Variants in XRN1 observed in about 807,000 individuals in gnomAD.
XRN1 encodes 5'-3' exoribonuclease 1.
In XRN1, 67 loss-of-function variants were observed where a neutral mutation model predicts 222.3. That is an observed-to-expected ratio of 0.30 (90% CI 0.25 to 0.37). The LOEUF is 0.37. Ranked by LOEUF, XRN1 falls within the 10% of genes least tolerant of loss-of-function variation. The pLI is 1.00. For missense variants in XRN1, 1,707 were observed against 2,000.2 expected, an observed-to-expected ratio of 0.85 and a Z score of 2.80; for synonymous variants, 643 against 652.4, an observed-to-expected ratio of 0.99 and a Z score of 0.22.
At position 142,320,204 on chromosome 3, in the gene XRN1, A is replaced by G. The variant is rs180798004; in HGVS notation, c.4405-1301T>C. ...ATATTCCAACCAACAGTGTATAAAC[A>G]CTCCCTTTTTGCTACATCCTTGCCA... On this transcript the variant is annotated intron_variant, in intron 37 of 40. Coordinates refer to ENST00000392981, the MANE Select transcript of XRN1 (RefSeq NM_001282857.2). 8.6e-4 allele frequency among the ~76,000 whole-genome samples: 130 copies of G among 152,002 alleles called. 2 individuals are homozygous for G. The highest frequency in any genetic ancestry group is 2.9e-3 in the African/African-American group (119 of 41,462).
intron 32 of XRN1, among the ~76,000 whole-genome samples, chr3:142,355,157 C>T (rs988105470): frequency 3.3e-5 from 5 of 151,704 alleles, no homozygotes; most frequent in African/African-American, 9.7e-5. Flanking sequence ...GTGACAGGAT[C>T]ATTTGTACCC....
chr3:142,356,799 C>A, intron 31 of XRN1, 113 bp downstream of exon 31: 1 of 1,210,240 alleles, frequency 8.3e-7, no homozygotes, highest in Non-Finnish European at 1.1e-6. Context: ...TGAGCCAAAA[C>A]TTTTTAAATA....
chr3:142,353,280 T>C (rs1280591812), intron 32 of XRN1, among the ~76,000 whole-genome samples: 1 of 152,218 alleles, frequency 6.6e-6, no homozygotes, highest in Non-Finnish European at 1.5e-5. Context: ...TCTCGACTCA[T>C]TGGTCCAGAA....
intron 20 of XRN1, among the ~76,000 whole-genome samples, chr3:142,392,553 C>T (rs1398654954): frequency 6.6e-6 from 1 of 152,092 alleles, no homozygotes; most frequent in Middle Eastern, 3.4e-3. Flanking sequence ...CAGTTCCCAC[C>T]TATGAGTGAG....
intron 22 of XRN1, among the ~76,000 whole-genome samples, chr3:142,381,501 TTAATC>T (rs1200282561): frequency 6.6e-6 from 1 of 152,054 alleles, no homozygotes; most frequent in African/African-American, 2.4e-5. Context: ...TTAGCATCCT[TTAATC>T]TAAAATGTAT....
intron 29 of XRN1, among the ~76,000 whole-genome samples, chr3:142,363,132 GTTA>G (rs1254038599): frequency 2.0e-5 from 3 of 151,884 alleles, no homozygotes; most frequent in Non-Finnish European, 4.4e-5. Context: ...CGAATTCTAG[GTTA>G]TTAAGATTTT....
chr3:142,363,344 A>T (rs2066710385), intron 29 of XRN1, among the ~76,000 whole-genome samples: 1 of 151,462 alleles, frequency 6.6e-6, no homozygotes, highest in South Asian at 2.1e-4. Flanking sequence ...ATTAAATTAC[A>T]TTTTTTTTCT....
At chr3:142,356,157 A>T (rs1254348015) in intron 31 of XRN1, among the ~76,000 whole-genome samples, 1 of 152,182 alleles carries the variant, frequency 6.6e-6, no homozygotes, top group Non-Finnish European at 1.5e-5. Context: ...TCTCTCACTC[A>T]AATTGACACC....
intron 23 of XRN1, among the ~76,000 whole-genome samples, chr3:142,379,112 A>C (rs2067226203): frequency 6.6e-6 from 1 of 151,966 alleles, no homozygotes; most frequent in African/African-American, 2.4e-5. Flanking sequence ...AAAAAAAAAA[A>C]ATACAAAATT....
In XRN1 at chr3:142,414,731, G is replaced by A. The variant is rs541403959; in HGVS notation, c.1437-440C>T. 3.3e-5 allele frequency among the ~76,000 whole-genome samples: 5 copies of A among 152,252 alleles called. No individual in the cohort carries two copies. The East Asian group carries it at 5.8e-4, about 18-fold the overall frequency. On this transcript the variant is annotated intron_variant, in intron 13 of 40. Coordinates refer to ENST00000392981, the MANE Select transcript of XRN1 (RefSeq NM_001282857.2). ...AGGATGGTCTCAATCTCCTGATCTC[G>A]TGATCCGCCCGCCTCGGCCTCCCAA... is the stretch of plus-strand genomic sequence containing the variant.
chr3:142,312,078 A>AG (rs2065092028), intron 40 of XRN1, among the ~76,000 whole-genome samples: 1 of 152,086 alleles, frequency 6.6e-6, no homozygotes, highest in Non-Finnish European at 1.5e-5. Context: ...GTAGAGACCT[A>AG]GGGTTCGAGA....
intron 33 of XRN1, among the ~76,000 whole-genome samples, chr3:142,336,390 C>T (rs559283221): frequency 1.3e-5 from 2 of 149,294 alleles, no homozygotes; most frequent in South Asian, 4.3e-4. Flanking sequence ...TTCATTAAGC[C>T]AGTCTGAAAA....
intron 13 of XRN1, among the ~76,000 whole-genome samples, chr3:142,414,842 TG>T (rs2068724709): frequency 6.6e-6 from 1 of 152,222 alleles, no homozygotes; most frequent in East Asian, 1.9e-4. Flanking sequence ...GAAATTGGGA[TG>T]AATCAGGTAA....
chr3:142,379,596 T>C (rs1559832044), intron 23 of XRN1, among the ~76,000 whole-genome samples: 1 of 152,164 alleles, frequency 6.6e-6, no homozygotes, highest in Non-Finnish European at 1.5e-5. Context: ...AGAACGCCAG[T>C]GGAATTTTTT....
At chr3:142,395,200 G>A (rs1224113661) in intron 20 of XRN1, among the ~76,000 whole-genome samples, 4 of 152,160 alleles carry the variant, frequency 2.6e-5, no homozygotes, top group African/African-American at 9.7e-5. Context: ...TTTCACCTTG[G>A]AAGACAGAAG....
intron 5 of XRN1, 123 bp downstream of exon 5, chr3:142,425,099 T>C: frequency 3.2e-6 from 2 of 627,144 alleles, no homozygotes; most frequent in South Asian, 3.8e-5. Context: ...ATGATAGAAG[T>C]AGCAATCATT....
chr3:142,311,367 G>T lies in XRN1; in HGVS notation c.*144C>A. On this transcript the variant is annotated 3_prime_UTR_variant, in exon 41 of 41. Coordinates refer to ENST00000392981, the MANE Select transcript of XRN1 (RefSeq NM_001282857.2). Reference sequence around the variant, plus strand: ...CAGTCTTTTAAACAGCATGAAAAGTGCCTGATAACTTAAAAATGAAAAAAA... The same window carrying T: ...CAGTCTTTTAAACAGCATGAAAAGTTCCTGATAACTTAAAAATGAAAAAAA... 1 of 721,340 alleles carries T rather than the reference G, an allele frequency of 1.4e-6. No individual in the cohort carries two copies. Among genetic ancestry groups the T allele is most frequent in the Non-Finnish European group, 2.1e-6 (1 of 475,912 alleles). The allele number at this position is 721,340 out of a possible 1,614,324, so 44.7% of individuals were successfully genotyped here.
intron 2 of XRN1, among the ~76,000 whole-genome samples, chr3:142,432,188 TAAA>T (rs57129160): frequency 1.9e-5 from 2 of 107,620 alleles, no homozygotes; most frequent in African/African-American, 6.2e-5. Flanking sequence ...GTTTTATATA[TAAA>T]ATTTATTTTA....
chr3:142,334,680 T>C (rs2065797866), intron 34 of XRN1, among the ~76,000 whole-genome samples: 1 of 125,910 alleles, frequency 7.9e-6, no homozygotes, highest in South Asian at 2.4e-4. Context: ...TCTATGTGTA[T>C]ATATATAAGA....
Sources: gnomAD v4.1 joint callset for allele counts (sites outside exome capture counted in the v4.1 genomes callset) on GRCh38, gnomAD v4.1.1 for gene constraint, MANE v1.5 for transcripts, NCBI Gene and HGNC (gene_info 2026-07-23, HGNC 2026-07-21) for gene names.